DACH1: variants seen among roughly 807,000 people sequenced by gnomAD.
The protein encoded by DACH1 is dachshund family transcription factor 1.
DACH1 carries 12 observed loss-of-function variants against 54.2 expected under a neutral mutation model. That is an observed-to-expected ratio of 0.22 (90% confidence interval 0.14 to 0.36). The LOEUF is 0.36. Ranked by LOEUF, DACH1 falls within the 10% of genes least tolerant of loss-of-function variation. The pLI, the probability that DACH1 is intolerant of heterozygous loss-of-function variation, is 1.00. For missense variants in DACH1, 805 were observed against 929.8 expected, an observed-to-expected ratio of 0.87 and a Z score of 1.75; for synonymous variants, 386 against 366.2, an observed-to-expected ratio of 1.05 and a Z score of -0.62.
At chr13:71,810,978 T>C (rs931889476) in intron 1 of DACH1, among the ~76,000 whole-genome samples, 1 of 152,148 alleles carries the variant, frequency 6.6e-6, no homozygotes, top group Non-Finnish European at 1.5e-5. Context: ...TAGAGAGGCA[T>C]TCTACTGAAC....
At chr13:71,723,773 TTC>T (rs1424158351) in intron 1 of DACH1, among the ~76,000 whole-genome samples, 15 of 152,264 alleles carry the variant, frequency 9.9e-5, no homozygotes, top group Middle Eastern at 6.8e-3. Context: ...TTACTGCAAC[TTC>T]TGCCTTCTGG....
intron 1 of DACH1, among the ~76,000 whole-genome samples, chr13:71,743,956 C>T (rs755502489): frequency 3.3e-5 from 5 of 151,946 alleles, no homozygotes; most frequent in African/African-American, 9.7e-5. Context: ...AAAGTAAAAA[C>T]GAAAATATAA....
chr13:71,528,203 T>C (rs1475075224), intron 6 of DACH1, among the ~76,000 whole-genome samples: 1 of 152,088 alleles, frequency 6.6e-6, no homozygotes, highest in Non-Finnish European at 1.5e-5. Flanking sequence ...CATTCAGACA[T>C]AAGGGCAAGA....
intron 6 of DACH1, among the ~76,000 whole-genome samples, chr13:71,527,121 C>G (rs139006234): frequency 6.6e-6 from 1 of 151,556 alleles, no homozygotes; most frequent in Non-Finnish European, 1.5e-5. Flanking sequence ...TGTGAGTTGC[C>G]TTCAATATGT....
Position 71,688,035 on chromosome 13 carries a change from T to C in DACH1, c.849-6125A>G, listed in dbSNP as rs540800703. On this transcript the variant is annotated intron_variant, in intron 1 of 10. Coordinates refer to ENST00000613252, the MANE Select transcript of DACH1 (RefSeq NM_080759.6). ...GCCTGAAGTTTGCCTCTATCTCATATAATTAACCACATATAATTGTCCTTT... is the reference window on the plus strand; with the variant it reads ...GCCTGAAGTTTGCCTCTATCTCATACAATTAACCACATATAATTGTCCTTT... Among the ~76,000 whole-genome samples the C allele has an allele frequency of 2.0e-5, 3 of 152,370 alleles. No individual in the cohort carries two copies. The South Asian group carries it at 6.2e-4, about 32-fold the overall frequency.
At chr13:71,760,730 T>C (rs1262899780) in intron 1 of DACH1, among the ~76,000 whole-genome samples, 1 of 152,180 alleles carries the variant, frequency 6.6e-6, no homozygotes, top group Non-Finnish European at 1.5e-5. Context: ...GGCCAATTTA[T>C]CTTTCCAAAT....
intron 5 of DACH1, among the ~76,000 whole-genome samples, chr13:71,557,937 G>A (rs563798211): frequency 6.6e-6 from 1 of 150,504 alleles, no homozygotes; most frequent in Admixed American, 6.6e-5. Flanking sequence ...ACTAATTGTA[G>A]TGTGTGATCA....
intron 10 of DACH1, among the ~76,000 whole-genome samples, chr13:71,451,620 G>C (rs1328811447): frequency 6.6e-6 from 1 of 152,012 alleles, no homozygotes; most frequent in Non-Finnish European, 1.5e-5. Flanking sequence ...ATTCTATTAA[G>C]AAAAGGACTG....
chr13:71,737,298 A>G lies in DACH1; in HGVS notation c.849-55388T>C, dbSNP rs145948322. 5.3e-3 allele frequency among the ~76,000 whole-genome samples: 800 copies of G among 152,274 alleles called. 6 individuals are homozygous for G. The highest frequency in any genetic ancestry group is 0.018 in the African/African-American group (749 of 41,564). On this transcript the variant is annotated intron_variant, in intron 1 of 10. Coordinates refer to ENST00000613252, the MANE Select transcript of DACH1 (RefSeq NM_080759.6). ...AGAGAACTAGGCGTTGTGCAAAACC[A>G]TGAAGATAGTTTTGGAGCAGGTAGC...
At chr13:71,446,475 T>A (rs1874475885) in intron 10 of DACH1, among the ~76,000 whole-genome samples, 1 of 152,200 alleles carries the variant, frequency 6.6e-6, no homozygotes, top group African/African-American at 2.4e-5. Context: ...GTCTAAACTT[T>A]CCACCAACCC....
intron 6 of DACH1, among the ~76,000 whole-genome samples, chr13:71,511,945 A>AT (rs1213202129): frequency 1.3e-5 from 2 of 151,940 alleles, no homozygotes; most frequent in Admixed American, 1.3e-4. Context: ...GCTTCTAGTA[A>AT]TTATATCCCT....
rs4366601 is a variant in DACH1 at position 71,465,912 on chromosome 13, G to A, written c.2083+9229C>T. 5.8e-3 allele frequency among the ~76,000 whole-genome samples: 887 copies of A among 152,120 alleles called. 8 individuals carry two copies. Among genetic ancestry groups the A allele is most frequent in the African/African-American group, 0.02 (839 of 41,520 alleles). ...CCCCTCAGCCCCGCAGCTAATTGTT[G>A]TTACTATAGTACCATAAAAAGATGT... On this transcript the variant is annotated intron_variant, in intron 10 of 10. Transcript: ENST00000613252.
intron 6 of DACH1, among the ~76,000 whole-genome samples, chr13:71,491,919 T>C (rs552570692): frequency 6.6e-6 from 1 of 152,198 alleles, no homozygotes; most frequent in African/African-American, 2.4e-5. Context: ...CATCACATAA[T>C]CTCCACTGAC....
At chr13:71,746,702 ATCAAGCTTATG>A (rs1884616197) in intron 1 of DACH1, among the ~76,000 whole-genome samples, 1 of 152,094 alleles carries the variant, frequency 6.6e-6, no homozygotes, top group Non-Finnish European at 1.5e-5. Flanking sequence ...GTGTTATCTA[ATCAAGCTTATG>A]AGCTACTGGT....
chr13:71,448,140 G>C (rs1042392937), intron 10 of DACH1, among the ~76,000 whole-genome samples: 1 of 152,124 alleles, frequency 6.6e-6, no homozygotes, highest in African/African-American at 2.4e-5. Context: ...TTATATCCAG[G>C]CACCTGTAAT....
At position 71,472,961 on chromosome 13, in the gene DACH1, C is replaced by T. The variant is rs565952919; in HGVS notation, c.2083+2180G>A. On this transcript the variant is annotated intron_variant, in intron 10 of 10. Transcript: ENST00000613252. Reference sequence around the variant, plus strand: ...AAAAAATTTCAAAGGGCTAATAAAGCTTATTGAATAGGGTGTTAGAATAGC... The same window carrying T: ...AAAAAATTTCAAAGGGCTAATAAAGTTTATTGAATAGGGTGTTAGAATAGC... Among the ~76,000 whole-genome samples the T allele has an allele frequency of 5.3e-5, 8 of 152,212 alleles. No individual in the cohort carries two copies. In the South Asian group the frequency reaches 1.7e-3, roughly 32 times the overall value.
intron 3 of DACH1, among the ~76,000 whole-genome samples, chr13:71,587,303 A>G (rs1052263557): frequency 1.3e-5 from 2 of 152,110 alleles, no homozygotes; most frequent in African/African-American, 4.8e-5. Flanking sequence ...TTGCAACATT[A>G]TTGTCTCAGT....
intron 1 of DACH1, among the ~76,000 whole-genome samples, chr13:71,752,140 T>G (rs566668215): frequency 6.6e-6 from 1 of 152,244 alleles, no homozygotes; most frequent in East Asian, 1.9e-4. Flanking sequence ...AAGATTAGCA[T>G]AGAAAACATA....
chr13:71,515,686 C>T (rs1022386391), intron 6 of DACH1, among the ~76,000 whole-genome samples: 1 of 151,782 alleles, frequency 6.6e-6, no homozygotes, highest in Non-Finnish European at 1.5e-5. Flanking sequence ...GCACATATTT[C>T]CCATTTAGCT....
Sources: allele counts gnomAD v4.1 joint callset (sites outside exome capture counted in the v4.1 genomes callset), GRCh38; gene constraint gnomAD v4.1.1; transcripts MANE v1.5; gene names NCBI Gene and HGNC (gene_info 2026-07-23, HGNC 2026-07-21).